SULT1A4: variants seen among roughly 807,000 people sequenced by gnomAD.
The protein encoded by SULT1A4 is sulfotransferase family 1A member 4.
For synonymous variants in SULT1A4, 3 were observed against 19.4 expected, an observed-to-expected ratio of 0.15 and a Z score of 2.22; for missense variants, 4 against 40.6, an observed-to-expected ratio of 0.10 and a Z score of 2.45.
intron 4 of SULT1A4, among the ~76,000 whole-genome samples, chr16:29,462,211 G>T (rs1964877171): frequency 7.8e-6 from 1 of 128,924 alleles, no homozygotes; most frequent in Admixed American, 7.4e-5. Flanking sequence ...ACTCCAGCCT[G>T]GGCAACACAG....
At position 29,461,920 on chromosome 16, in the gene SULT1A4, C is replaced by G; in HGVS notation, c.342C>G (p.Leu114=). 1 of 274,898 alleles carries G rather than the reference C, an allele frequency of 3.6e-6. No homozygotes were observed. The highest frequency in any genetic ancestry group is 7.9e-5 in the Admixed American group (1 of 12,716). The allele number at this position is 274,898 out of a possible 1,614,324, so 17.0% of individuals were successfully genotyped here. ...LIKSHLPLAL[L]PQTLLDQKVK... is the part of the protein sequence containing the mutation. The stretch of plus-strand genomic sequence containing the variant: ...AGTCACACCTGCCCCTGGCTCTGCT[C>G]CCTCAGACTCTGTTGGATCAGAAGG... Residue 114 remains leucine, a synonymous_variant, in exon 4 of 8, where the codon CTC becomes CTG. Coordinates refer to ENST00000360423, the MANE Select transcript of SULT1A4 (RefSeq NM_001017390.3).
chr16:29,461,134 GA>G (rs1371978760), intron 1 of SULT1A4, among the ~76,000 whole-genome samples: 2 of 12,234 alleles, frequency 1.6e-4, no homozygotes, highest in African/African-American at 2.5e-4. Context: ...CTCTACTAAA[GA>G]AAAAAAAAAA....
intron 4 of SULT1A4, among the ~76,000 whole-genome samples, chr16:29,462,377 C>A (rs1365247511): frequency 6.8e-6 from 1 of 148,132 alleles, no homozygotes; most frequent in African/African-American, 2.5e-5. Context: ...GAGACAGAGT[C>A]TTGCTCTGTC....
chr16:29,461,322 C>G (rs894186484), intron 1 of SULT1A4, 60 bp from the exon 2 acceptor site: 1 of 1,435,726 alleles, frequency 7.0e-7, no homozygotes, highest in Non-Finnish European at 9.1e-7. Context: ...GAGAGAATCC[C>G]ACTTTCTTGC....
chr16:29,462,096 C>T (rs1596710692), intron 4 of SULT1A4, 146 bp downstream of exon 4: 1 of 106,870 alleles, frequency 9.4e-6, no homozygotes, highest in East Asian at 3.3e-4. Flanking sequence ...AATTAACAAC[C>T]TGGTATGGTG....
At position 29,461,538 on chromosome 16, in the gene SULT1A4, G is replaced by T. The variant is rs1239221604; in HGVS notation, c.148+5G>T. 1.1e-5 allele frequency: 5 copies of T among 435,980 alleles called. No homozygotes were observed. Among genetic ancestry groups the T allele is most frequent in the African/African-American group, 3.3e-5 (1 of 29,884 alleles). 27.0% of individuals were successfully genotyped at this position (435,980 alleles called of 1,614,324 possible). On this transcript the variant is annotated splice_donor_5th_base_variant and intron_variant, in intron 2 of 7. Coordinates refer to ENST00000360423, the MANE Select transcript of SULT1A4 (RefSeq NM_001017390.3). The stretch of plus-strand genomic sequence containing the variant: ...TCAACACCTACCCCAAGTCTGGTAA[G>T]TGAGGAGGGCCACCCACCCTCTCCC...
chr16:29,462,141 CG>C lies in SULT1A4; in HGVS notation c.372+195del, dbSNP rs1319732149. On this transcript the variant is annotated intron_variant, in intron 4 of 7. Coordinates refer to ENST00000360423, the MANE Select transcript of SULT1A4 (RefSeq NM_001017390.3). ...GTTCCCAGTTACTTAGGAGGCTCAG[CG>C]GGGAGGACTGTTTATGCAAATAGGA... Among the ~76,000 whole-genome samples the C allele has an allele frequency of 1.7e-5, 2 of 120,382 alleles. 1 individual carries two copies. The highest frequency in any genetic ancestry group is 3.3e-5 in the Non-Finnish European group (2 of 60,700). The allele number at this position is 120,382 out of a possible 152,430, so 79.0% of individuals were successfully genotyped here. A position where few individuals can be genotyped will look rare whatever the true frequency, so the allele number is the denominator to read the frequency against.
chr16:29,462,380 G>A (rs1472399550), intron 4 of SULT1A4, among the ~76,000 whole-genome samples: 1 of 147,584 alleles, frequency 6.8e-6, no homozygotes, highest in Non-Finnish European at 1.5e-5. Context: ...ACAGAGTCTT[G>A]CTCTGTCACC....
At chr16:29,462,114 C>T (rs1274107653) in intron 4 of SULT1A4, among the ~76,000 whole-genome samples, 164 bp downstream of exon 4, 1 of 114,188 alleles carries the variant, frequency 8.8e-6, no homozygotes, top group Non-Finnish European at 1.7e-5. Context: ...GTGGCATAGA[C>T]TGTTCCCAGT....
rs1019512313 is a variant in SULT1A4 at position 29,462,187 on chromosome 16, G to T, written c.372+237G>T. ...ATAGGAAGCTGCAATGAGCCCTGATGATCCTGCTGCTGCACTCCAGCCTGG... is the reference window on the plus strand; with the variant it reads ...ATAGGAAGCTGCAATGAGCCCTGATTATCCTGCTGCTGCACTCCAGCCTGG... On this transcript the variant is annotated intron_variant, in intron 4 of 7. Transcript: ENST00000360423. 2.0e-4 allele frequency among the ~76,000 whole-genome samples: 25 copies of T among 127,766 alleles called. 1 individual carries two copies. Among genetic ancestry groups the T allele is most frequent in the Non-Finnish European group, 3.8e-4 (24 of 63,550 alleles). 83.8% of individuals were successfully genotyped at this position (127,766 alleles called of 152,430 possible). A position where few individuals can be genotyped will look rare whatever the true frequency, so the allele number is the denominator to read the frequency against.
At chr16:29,462,728 C>T (rs1964887616) in intron 4 of SULT1A4, 1 of 46,862 alleles carries the variant, frequency 2.1e-5, no homozygotes, top group Admixed American at 3.6e-4. Flanking sequence ...CTGCAACCAC[C>T]GCCTCCTGGG....
At position 29,464,946 on chromosome 16, in the gene SULT1A4, A is replaced by G; in HGVS notation, c.*371A>G. On this transcript the variant is annotated 3_prime_UTR_variant, in exon 8 of 8. Coordinates refer to ENST00000360423, the MANE Select transcript of SULT1A4 (RefSeq NM_001017390.3). The stretch of plus-strand genomic sequence containing the variant: ...GCAAGACCCTCCCTCCAAAGAAAAT[A>G]AAGCTCAAAATAAAATATGATTTGT... The G allele has an allele frequency of 4.6e-6, 1 of 218,782 alleles. No homozygotes were observed. The highest frequency in any genetic ancestry group is 6.6e-6 in the Non-Finnish European group (1 of 152,384). 13.6% of individuals were successfully genotyped at this position (218,782 alleles called of 1,614,324 possible). A position where few individuals can be genotyped will look rare whatever the true frequency, so the allele number is the denominator to read the frequency against.
chr16:29,461,213 T>C (rs1964858755), intron 1 of SULT1A4, among the ~76,000 whole-genome samples, 169 bp from the exon 2 acceptor site: 1 of 68,112 alleles, frequency 1.5e-5, no homozygotes, highest in African/African-American at 3.5e-5. Context: ...GAGGATTGCT[T>C]GAACCCAAGA....
chr16:29,461,508 G>A lies in SULT1A4; in HGVS notation c.123G>A (p.Leu41=). The change falls in exon 2 of 8, where the codon CTG becomes CTA. Residue 41 remains leucine, a synonymous_variant. Transcript: ENST00000360423. ...LQSFQARPDD[L]LINTYPKSGT... ...GCTTCCAAGCCCGACCTGATGACCT[G>A]CTCATCAACACCTACCCCAAGTCTG... The A allele has an allele frequency of 1.9e-6, 1 of 513,640 alleles. No homozygotes were observed. The highest frequency in any genetic ancestry group is 2.0e-5 in the South Asian group (1 of 49,210). The allele number at this position is 513,640 out of a possible 1,614,324, so 31.8% of individuals were successfully genotyped here. A position where few individuals can be genotyped will look rare whatever the true frequency, so the allele number is the denominator to read the frequency against.
intron 4 of SULT1A4, among the ~76,000 whole-genome samples, chr16:29,462,243 A>G (rs575966756): frequency 1.5e-5 from 2 of 132,558 alleles, no homozygotes; most frequent in Non-Finnish European, 3.1e-5. Context: ...CTACGAAAAA[A>G]AAGTTCCCAC....
At chr16:29,462,324 G>T (rs1596710782) in intron 4 of SULT1A4, among the ~76,000 whole-genome samples, 2 of 148,346 alleles carry the variant, frequency 1.3e-5, no homozygotes, top group Middle Eastern at 6.8e-3. Context: ...TTCTGGAAGG[G>T]CCTCCTCGCT....
At chr16:29,461,306 A>C in intron 1 of SULT1A4, 76 bp from the exon 2 acceptor site, 4 of 1,468,702 alleles carry the variant, frequency 2.7e-6, no homozygotes, top group Non-Finnish European at 3.6e-6. Flanking sequence ...AAAAAAAAAA[A>C]AAAAAGAGAG....
At chr16:29,461,595 C>G (rs1353146501) in intron 2 of SULT1A4, 43 bp from the exon 3 acceptor site, 1 of 326,088 alleles carries the variant, frequency 3.1e-6, no homozygotes. Context: ...TCAGCAAGGT[C>G]GTGCCCTCAG....
At chr16:29,462,134 G>A (rs1355435501) in intron 4 of SULT1A4, among the ~76,000 whole-genome samples, 184 bp downstream of exon 4, 1 of 119,298 alleles carries the variant, frequency 8.4e-6, no homozygotes, top group African/African-American at 4.1e-5. Flanking sequence ...TTACTTAGGA[G>A]GCTCAGCGGG....
Sources: allele counts gnomAD v4.1 joint callset (sites outside exome capture counted in the v4.1 genomes callset), GRCh38; gene constraint gnomAD v4.1.1; transcripts MANE v1.5; gene names NCBI Gene and HGNC (gene_info 2026-07-23, HGNC 2026-07-21).